Variants in CPD observed in about 807,000 individuals in gnomAD.
CPD encodes the protein metallocarboxypeptidase D.
In CPD, 69 loss-of-function variants were observed where a neutral mutation model predicts 138.3. The observed-to-expected ratio is 0.50, with a 90% confidence interval of 0.41 to 0.61. The LOEUF (loss-of-function observed/expected upper bound fraction) is 0.61. CPD is among the 20% of genes least tolerant of loss of function. The pLI is 0.00. For missense variants in CPD, 1,432 were observed against 1,733.3 expected, an observed-to-expected ratio of 0.83 and a Z score of 3.09; for synonymous variants, 651 against 642.1, an observed-to-expected ratio of 1.01 and a Z score of -0.21.
In CPD at chr17:30,386,040, T is replaced by TA. The variant is rs1911177109; in HGVS notation, c.994+804_994+805insA. On this transcript the variant is annotated intron_variant, in intron 2 of 20. Transcript: ENST00000225719. Reference sequence around the variant, plus strand: ...TCCATTTAAATTTAAAATGTATATATTTTTTAAGAGATAGGGTCTCACTCT... The same window carrying TA: ...TCCATTTAAATTTAAAATGTATATATATTTTTAAGAGATAGGGTCTCACTCT... 5.3e-5 allele frequency among the ~76,000 whole-genome samples: 8 copies of TA among 152,036 alleles called. No individual in the cohort carries two copies. The South Asian group carries it at 1.7e-3, about 32-fold the overall frequency.
chr17:30,433,258 TAA>T (rs1400673452), intron 8 of CPD, among the ~76,000 whole-genome samples: 2 of 152,200 alleles, frequency 1.3e-5, no homozygotes, highest in African/African-American at 4.8e-5. Flanking sequence ...CGTGGAGTAA[TAA>T]GAGAATGTAT....
chr17:30,436,645 G>A (rs1912710585), intron 8 of CPD, among the ~76,000 whole-genome samples: 1 of 152,192 alleles, frequency 6.6e-6, no homozygotes, highest in African/African-American at 2.4e-5. Flanking sequence ...TGGAAAAATT[G>A]AAACCTTACA....
intron 7 of CPD, among the ~76,000 whole-genome samples, chr17:30,430,263 C>T (rs1912527477): frequency 6.6e-6 from 1 of 151,990 alleles, no homozygotes; most frequent in East Asian, 1.9e-4. Context: ...AAAAGGATAC[C>T]CCACACCCAT....
intron 11 of CPD, among the ~76,000 whole-genome samples, chr17:30,444,908 A>G (rs1393071484): frequency 6.6e-6 from 1 of 152,058 alleles, no homozygotes; most frequent in African/African-American, 2.4e-5. Flanking sequence ...AGTGGTCCGT[A>G]AATGAATGGG....
intron 6 of CPD, among the ~76,000 whole-genome samples, chr17:30,424,258 A>G (rs1378984835): frequency 6.6e-6 from 1 of 152,244 alleles, no homozygotes; most frequent in Non-Finnish European, 1.5e-5. Context: ...TGTAGTTACC[A>G]AAGTTTGATC....
At chr17:30,383,000 G>C (rs1165874472) in intron 1 of CPD, among the ~76,000 whole-genome samples, 1 of 152,164 alleles carries the variant, frequency 6.6e-6, no homozygotes, top group Non-Finnish European at 1.5e-5. Flanking sequence ...AACTTTCCCA[G>C]AGTCAGTGGG....
At chr17:30,460,692 T>A (rs1050581257) in intron 17 of CPD, among the ~76,000 whole-genome samples, 5 of 152,194 alleles carry the variant, frequency 3.3e-5, no homozygotes, top group Non-Finnish European at 7.3e-5. Flanking sequence ...TTTGAACCTG[T>A]CTGCACAGGC....
chr17:30,397,396 A>T (rs936211296), intron 2 of CPD, among the ~76,000 whole-genome samples: 1 of 152,168 alleles, frequency 6.6e-6, no homozygotes, highest in Non-Finnish European at 1.5e-5. Context: ...TTCAAATAGC[A>T]TTCTGTGGAG....
At chr17:30,451,531 G>A (rs1913165844) in intron 13 of CPD, among the ~76,000 whole-genome samples, 180 bp from the exon 14 acceptor site, 1 of 151,942 alleles carries the variant, frequency 6.6e-6, no homozygotes, top group Admixed American at 6.6e-5. Flanking sequence ...GTAGTTTTTT[G>A]CTTATTTTTA....
intron 2 of CPD, among the ~76,000 whole-genome samples, chr17:30,388,555 G>T (rs1458180205): frequency 2.0e-5 from 3 of 152,206 alleles, no homozygotes; most frequent in African/African-American, 7.2e-5. Flanking sequence ...CCCAATCCCG[G>T]ATAGGAGCAG....
Position 30,469,314 on chromosome 17 carries a change from T to G in CPD, c.*4500T>G, listed in dbSNP as rs960871350. 6.6e-6 allele frequency: 1 copy of G among 152,200 alleles called. No individual in the cohort carries two copies. The highest frequency in any genetic ancestry group is 2.4e-5 in the African/African-American group (1 of 41,444). The allele number at this position is 152,200 out of a possible 1,614,324, so 9.4% of individuals were successfully genotyped here. A position where few individuals can be genotyped will look rare whatever the true frequency, so the allele number is the denominator to read the frequency against. Reference sequence around the variant, plus strand: ...AGAGGTTTGAGCATGGACTTTGGAGTTGGACCAATCTGTGACTGATTCTTC... The same window carrying G: ...AGAGGTTTGAGCATGGACTTTGGAGGTGGACCAATCTGTGACTGATTCTTC... On this transcript the variant is annotated 3_prime_UTR_variant, in exon 21 of 21. Coordinates refer to ENST00000225719, the MANE Select transcript of CPD (RefSeq NM_001304.5).
chr17:30,401,505 A>G (rs2143353480), intron 2 of CPD, among the ~76,000 whole-genome samples: 1 of 148,502 alleles, frequency 6.7e-6, no homozygotes, highest in South Asian at 2.1e-4. Context: ...TTATTGTGAG[A>G]CAGAGTTTGG....
rs1481612930 is a variant in CPD, at chr17:30,467,708, G to GT, written c.*2897dup. 5 of 152,130 alleles carry GT rather than the reference G, an allele frequency of 3.3e-5. No individual in the cohort carries two copies. Among genetic ancestry groups the GT allele is most frequent in the Non-Finnish European group, 7.4e-5 (5 of 67,990 alleles). The allele number at this position is 152,130 out of a possible 1,614,324, so 9.4% of individuals were successfully genotyped here. ...TAGTGTTTATGTCTGAGCTTATTGT[G>GT]TTTGAGCTAACACCAGGTTACTCAG... On this transcript the variant is annotated 3_prime_UTR_variant, in exon 21 of 21. Coordinates refer to ENST00000225719, the MANE Select transcript of CPD (RefSeq NM_001304.5).
chr17:30,421,033 G>T lies in CPD; in HGVS notation c.1137+50G>T, dbSNP rs368875953. On this transcript the variant is annotated intron_variant, in intron 3 of 20. Coordinates refer to ENST00000225719, the MANE Select transcript of CPD (RefSeq NM_001304.5). ...GGGGTATAGAAACAGGATTAAATAA[G>T]GGAGAAATTTGGATGCATGTGAATG... 9.5e-6 allele frequency: 15 copies of T among 1,571,788 alleles called. No individual in the cohort carries two copies. The African/African-American group carries it at 1.9e-4, about 20-fold the overall frequency.
intron 2 of CPD, among the ~76,000 whole-genome samples, chr17:30,396,360 G>A (rs1911507031): frequency 6.6e-6 from 1 of 151,852 alleles, no homozygotes; most frequent in Non-Finnish European, 1.5e-5. Flanking sequence ...TTTATAGTTG[G>A]CCTGCAGAGG....
At chr17:30,452,343 A>ATCT (rs1324412276) in intron 14 of CPD, among the ~76,000 whole-genome samples, 1 of 151,088 alleles carries the variant, frequency 6.6e-6, no homozygotes, top group Non-Finnish European at 1.5e-5. Context: ...CAATGGTACA[A>ATCT]TCTTGGCTCG....
chr17:30,455,240 G>A, intron 14 of CPD, 99 bp from the exon 15 acceptor site: 1 of 997,190 alleles, frequency 1.0e-6, no homozygotes, highest in Non-Finnish European at 1.5e-6. Context: ...AAATTTTTAA[G>A]TTAGCATTTT....
intron 11 of CPD, 84 bp downstream of exon 11, chr17:30,444,055 A>G: frequency 7.0e-7 from 1 of 1,434,466 alleles, no homozygotes; most frequent in South Asian, 1.3e-5. Context: ...AACGTTCTAG[A>G]GAGCCTGTTA....
At position 30,442,993 on chromosome 17, in the gene CPD, CATAA is replaced by C. The variant is rs1912918869; in HGVS notation, c.2373+545_2373+548del. Among the ~76,000 whole-genome samples the C allele has an allele frequency of 5.2e-5, 7 of 133,614 alleles. No homozygotes were observed. In the Admixed American group the frequency reaches 5.5e-4, roughly 10 times the overall value. The allele number at this position is 133,614 out of a possible 152,430, so 87.7% of individuals were successfully genotyped here. On this transcript the variant is annotated intron_variant, in intron 10 of 20. Coordinates refer to ENST00000225719, the MANE Select transcript of CPD (RefSeq NM_001304.5). Reference sequence around the variant, plus strand: ...TTTTTCTTTTTCCTGAGTGGTGTGACATAAAGTCTGTGAGTTTTTTTTACTATAT... The same window carrying C: ...TTTTTCTTTTTCCTGAGTGGTGTGACAGTCTGTGAGTTTTTTTTACTATAT...
Sources: gnomAD v4.1 joint callset for allele counts (sites outside exome capture counted in the v4.1 genomes callset) on GRCh38, gnomAD v4.1.1 for gene constraint, MANE v1.5 for transcripts, NCBI Gene and HGNC (gene_info 2026-07-23, HGNC 2026-07-21) for gene names.